The following PSD3 variants were observed in gnomAD, a reference collection of about 807,000 sequenced individuals.
PSD3 encodes pleckstrin and Sec7 domain containing 3.
PSD3 carries 49 observed loss-of-function variants against 105.5 expected under a neutral mutation model. That is an observed-to-expected ratio of 0.46 (90% CI 0.37 to 0.59). The LOEUF is 0.59. Among genes scored for constraint, PSD3 ranks in the 20% least tolerant of loss-of-function variants. The pLI, the probability that PSD3 is intolerant of heterozygous loss-of-function variation, is 0.00. For missense variants in PSD3, 1,561 were observed against 1,263.8 expected (o/e 1.24, Z -3.57); for synonymous variants, 557 against 457.8 (o/e 1.22, Z -2.77).
chr8:18,716,946 C>G (rs942915048), intron 9 of PSD3, among the ~76,000 whole-genome samples: 1 of 152,160 alleles, frequency 6.6e-6, no homozygotes, highest in Non-Finnish European at 1.5e-5. Flanking sequence ...GGTAGCAGGC[C>G]CAAGCCTGGA....
chr8:18,588,811 A>G (rs769387645), intron 12 of PSD3, among the ~76,000 whole-genome samples: 6 of 152,178 alleles, frequency 3.9e-5, no homozygotes, highest in Non-Finnish European at 8.8e-5. Flanking sequence ...TCTGAGGGAG[A>G]GGACAGTGAT....
chr8:18,667,646 G>A (rs1004216662), intron 9 of PSD3, among the ~76,000 whole-genome samples: 29 of 152,238 alleles, frequency 1.9e-4, no homozygotes, highest in African/African-American at 6.8e-4. Flanking sequence ...CAGGCGGCAG[G>A]CAGAGCTGCC....
intron 1 of PSD3, among the ~76,000 whole-genome samples, chr8:19,035,953 C>T (rs559946268): frequency 1.3e-5 from 2 of 152,080 alleles, no homozygotes; most frequent in South Asian, 4.2e-4. Context: ...CAGGGTTTCA[C>T]CATGTTGCCC....
At position 18,816,971 on chromosome 8, in the gene PSD3, G is replaced by A. The variant is rs146065360; in HGVS notation, c.1635-12073C>T. 2.0e-5 allele frequency among the ~76,000 whole-genome samples: 3 copies of A among 152,282 alleles called. No homozygotes were observed. The East Asian group carries it at 5.8e-4, about 29-fold the overall frequency. On this transcript the variant is annotated intron_variant, in intron 4 of 15. Coordinates refer to ENST00000327040, the MANE Select transcript of PSD3 (RefSeq NM_015310.4). Reference sequence around the variant, plus strand: ...GTACCATGTGAGTAGAAAATAGAAGGAACTGAGGATGTGGCTTTGCAAGCT... The same window carrying A: ...GTACCATGTGAGTAGAAAATAGAAGAAACTGAGGATGTGGCTTTGCAAGCT...
chr8:18,640,983 A>T (rs1807601608), intron 10 of PSD3, among the ~76,000 whole-genome samples: 1 of 152,182 alleles, frequency 6.6e-6, no homozygotes, highest in Admixed American at 6.5e-5. Flanking sequence ...TGGGGAGCTC[A>T]GCAGGCTTGG....
chr8:18,822,218 G>A (rs1812801240), intron 4 of PSD3, among the ~76,000 whole-genome samples: 1 of 152,024 alleles, frequency 6.6e-6, no homozygotes, highest in Non-Finnish European at 1.5e-5. Context: ...AGAAACTTTG[G>A]TTGAGAAGGG....
At chr8:18,785,459 G>C (rs1263535099) in intron 8 of PSD3, among the ~76,000 whole-genome samples, 1 of 152,104 alleles carries the variant, frequency 6.6e-6, no homozygotes, top group Non-Finnish European at 1.5e-5. Flanking sequence ...GAATTGAAGA[G>C]ACTCAGGGCC....
At chr8:18,547,976 T>C (rs1208917418) in intron 15 of PSD3, among the ~76,000 whole-genome samples, 1 of 152,220 alleles carries the variant, frequency 6.6e-6, no homozygotes, top group African/African-American at 2.4e-5. Context: ...CCTGTAGATT[T>C]CTTTCTCCCT....
rs143423577 is a variant in PSD3, at chr8:18,804,739, G to T, written c.1794C>A (p.Phe598Leu). ...GGTGTTTTGCAACATCTGATCTTTT[G>T]AATCTGTCCAGCTGATAAAGGCGTT... ...LAKRLYQLDR[F>L]KRSDVAKHLG... The change falls in exon 5 of 16, where the codon TTC becomes TTA. Residue 598 changes from phenylalanine (F) to leucine (L), a missense_variant. Coordinates refer to ENST00000327040, the MANE Select transcript of PSD3 (RefSeq NM_015310.4). 3 of 1,614,024 alleles carry T rather than the reference G, an allele frequency of 1.9e-6. No individual in the cohort carries two copies. Among genetic ancestry groups the T allele is most frequent in the South Asian group, 1.1e-5 (1 of 91,048 alleles).
intron 1 of PSD3, among the ~76,000 whole-genome samples, chr8:18,970,764 G>A (rs78728866): frequency 0.07 from 10,687 of 152,050 alleles, 921 homozygotes; most frequent in African/African-American, 0.21. Flanking sequence ...AGACCAGCCT[G>A]ACCAACATGG....
chr8:18,925,206 G>A (rs1020101131), intron 2 of PSD3, among the ~76,000 whole-genome samples: 1 of 152,124 alleles, frequency 6.6e-6, no homozygotes, highest in African/African-American at 2.4e-5. Flanking sequence ...GGGCAGCACA[G>A]CCAAACCCCA....
intron 1 of PSD3, among the ~76,000 whole-genome samples, chr8:19,004,904 C>T (rs562660262): frequency 4.6e-4 from 70 of 152,128 alleles, no homozygotes; most frequent in Admixed American, 1.4e-3. Context: ...ATGACTTGAT[C>T]CTTCTTGCCT....
chr8:18,977,151 T>G (rs1824985895), intron 1 of PSD3, among the ~76,000 whole-genome samples: 1 of 151,498 alleles, frequency 6.6e-6, no homozygotes, highest in South Asian at 2.1e-4. Context: ...TCCCAGCTAC[T>G]TGGGAGGCTG....
chr8:18,584,492 G>T (rs558136465), intron 12 of PSD3, among the ~76,000 whole-genome samples: 1 of 152,330 alleles, frequency 6.6e-6, no homozygotes, highest in East Asian at 1.9e-4. Context: ...ATCAACTTTA[G>T]AACGCCAGCT....
intron 7 of PSD3, 109 bp from the exon 8 acceptor site, chr8:18,799,462 T>C: frequency 1.2e-6 from 1 of 810,568 alleles, no homozygotes; most frequent in South Asian, 1.5e-5. Flanking sequence ...AGTACTGTGC[T>C]AGGTACAATT....
At chr8:18,786,695 C>T (rs1207504357) in intron 8 of PSD3, 2 of 152,160 alleles carry the variant, frequency 1.3e-5, no homozygotes, top group South Asian at 4.1e-4. Context: ...ATAGACTGTA[C>T]CTTAATTTTC....
intron 6 of PSD3, 97 bp downstream of exon 6, chr8:18,804,425 A>T (rs1212698690): frequency 1.1e-5 from 9 of 827,794 alleles, no homozygotes; most frequent in African/African-American, 6.8e-5. Context: ...GGAGGTTTAA[A>T]AAAAAAAAAT....
chr8:18,611,378 C>T (rs1805252444), intron 11 of PSD3, among the ~76,000 whole-genome samples: 2 of 152,048 alleles, frequency 1.3e-5, no homozygotes, highest in Admixed American at 6.6e-5. Context: ...TGATCATCAT[C>T]CTTTAGCAAG....
chr8:18,819,805 C>T (rs914168784), intron 4 of PSD3, among the ~76,000 whole-genome samples: 2 of 152,132 alleles, frequency 1.3e-5, no homozygotes, highest in Non-Finnish European at 2.9e-5. Context: ...TCTTGATCTC[C>T]TGACCTCGTG....
Sources: allele counts gnomAD v4.1 joint callset (sites outside exome capture counted in the v4.1 genomes callset), GRCh38; gene constraint gnomAD v4.1.1; transcripts MANE v1.5; gene names NCBI Gene and HGNC (gene_info 2026-07-23, HGNC 2026-07-21).